AP2A1: variants seen among roughly 807,000 people sequenced by gnomAD.
The protein encoded by AP2A1 is AP-2 complex subunit alpha-1.
A neutral mutation model predicts 107.3 loss-of-function variants in AP2A1; 21 were observed. That is an observed-to-expected ratio of 0.20 (90% CI 0.14 to 0.28). The LOEUF (loss-of-function observed/expected upper bound fraction) is 0.28. Among genes scored for constraint, AP2A1 ranks in the 10% least tolerant of loss-of-function variants. The pLI is 1.00. For synonymous variants in AP2A1, 602 were observed against 564.8 expected (o/e 1.07, Z -0.93); for missense variants, 873 against 1,307.7 (o/e 0.67, Z 5.13).
At chr19:49,787,216 A>G (rs1178755983) in intron 4 of AP2A1, among the ~76,000 whole-genome samples, 4 of 148,908 alleles carry the variant, frequency 2.7e-5, no homozygotes, top group South Asian at 2.1e-4. Flanking sequence ...GGGTTTTGCT[A>G]TGTTGCCCAG....
rs2073402607 is a variant in AP2A1, at chr19:49,806,812, G to A, written c.*54G>A. On this transcript the variant is annotated 3_prime_UTR_variant, in exon 23 of 23. Coordinates refer to ENST00000354293, the MANE Select transcript of AP2A1 (RefSeq NM_130787.3). ...CCGGCACTGGGCAGCCCCTTGGACT[G>A]AGGCAGTTTTGGTGGATGGGGGACC... 6.2e-7 allele frequency: 1 copy of A among 1,610,190 alleles called. No homozygotes were observed. Among genetic ancestry groups the A allele is most frequent in the African/African-American group, 1.3e-5 (1 of 74,952 alleles).
intron 15 of AP2A1, chr19:49,802,402 C>T (rs1185795488): frequency 5.9e-6 from 6 of 1,010,194 alleles, no homozygotes; most frequent in Admixed American, 2.0e-5. Context: ...GCCTGCTCTT[C>T]CTTTTCTCCT....
At chr19:49,771,013 G>C (rs919578305) in intron 1 of AP2A1, among the ~76,000 whole-genome samples, 1 of 151,810 alleles carries the variant, frequency 6.6e-6, no homozygotes, top group African/African-American at 2.4e-5. Flanking sequence ...CACCACACCT[G>C]GCTAATTTTT....
intron 1 of AP2A1, among the ~76,000 whole-genome samples, chr19:49,779,460 T>C (rs4802621): frequency 0.13 from 17,195 of 128,954 alleles, 1,167 homozygotes; most frequent in East Asian, 0.22. Flanking sequence ...GAGCCGAGAT[T>C]GCACCACTGC....
chr19:49,772,360 C>A (rs981664877), intron 1 of AP2A1, among the ~76,000 whole-genome samples: 2 of 137,780 alleles, frequency 1.5e-5, no homozygotes, highest in Non-Finnish European at 3.0e-5. Context: ...CCCGGGTTCA[C>A]GGAGATGGGT....
intron 16 of AP2A1, 30 bp downstream of exon 16, chr19:49,803,035 A>ACGGGACAGGTGCGGAGCC: frequency 8.1e-6 from 13 of 1,613,634 alleles, no homozygotes; most frequent in Non-Finnish European, 1.1e-5. Flanking sequence ...GGGGAGGGGA[A>ACGGGACAGGTGCGGAGCC]CGGGACAGGT....
At chr19:49,800,672 T>G (rs1383065183) in intron 11 of AP2A1, 2 of 339,608 alleles carry the variant, frequency 5.9e-6, no homozygotes, top group Non-Finnish European at 1.1e-5. Flanking sequence ...GGTTTCACCA[T>G]GTTACCCAGG....
At chr19:49,771,837 C>T (rs141042916) in intron 1 of AP2A1, among the ~76,000 whole-genome samples, 2 of 152,196 alleles carry the variant, frequency 1.3e-5, no homozygotes, top group Non-Finnish European at 2.9e-5. Context: ...CTTTGCTTCA[C>T]AAGAGACCTT....
In AP2A1 at chr19:49,806,267, TGGGAGGCCTGA is replaced by T; in HGVS notation, c.2790+17_2790+27del. 6.3e-7 allele frequency: 1 copy of T among 1,590,444 alleles called. No homozygotes were observed. Among genetic ancestry groups the T allele is most frequent in the South Asian group, 1.1e-5 (1 of 88,262 alleles). ...GCCCAGGCCCAGGTGAGTGCTGCTG[TGGGAGGCCTGA>T]GGCCGGCAGGAAGGCCGCCTGTCAT... On this transcript the variant is annotated intron_variant, in intron 22 of 22. Coordinates refer to ENST00000354293, the MANE Select transcript of AP2A1 (RefSeq NM_130787.3).
At chr19:49,769,009 G>A (rs755148408) in intron 1 of AP2A1, among the ~76,000 whole-genome samples, 1 of 152,148 alleles carries the variant, frequency 6.6e-6, no homozygotes, top group Non-Finnish European at 1.5e-5. Context: ...CAGCACTTTG[G>A]GGGGCCGAGG....
chr19:49,776,544 G>A (rs1273113377), intron 1 of AP2A1, among the ~76,000 whole-genome samples: 1 of 152,118 alleles, frequency 6.6e-6, no homozygotes. Flanking sequence ...CTTAAGCCTG[G>A]CCCCAGAAAT....
At chr19:49,773,950 C>T (rs552860756) in intron 1 of AP2A1, among the ~76,000 whole-genome samples, 1 of 152,240 alleles carries the variant, frequency 6.6e-6, no homozygotes, top group Admixed American at 6.5e-5. Context: ...AGAGAGGGAA[C>T]AGGGTAGATG....
At position 49,782,851 on chromosome 19, in the gene AP2A1, C is replaced by A. The variant is rs2084694308; in HGVS notation, c.473+127C>A. 1.1e-5 allele frequency: 13 copies of A among 1,143,498 alleles called. No individual in the cohort carries two copies. The South Asian group carries it at 1.8e-4, about 16-fold the overall frequency. The allele number at this position is 1,143,498 out of a possible 1,614,324, so 70.8% of individuals were successfully genotyped here. ...AGCCGAGATGTGGGCTAACGCTGGGCTGGGGACCCAGTGGTTCCGGTGGCA... is the reference window on the plus strand; with the variant it reads ...AGCCGAGATGTGGGCTAACGCTGGGATGGGGACCCAGTGGTTCCGGTGGCA... On this transcript the variant is annotated intron_variant, in intron 4 of 22. Coordinates refer to ENST00000354293, the MANE Select transcript of AP2A1 (RefSeq NM_130787.3).
chr19:49,803,713 C>T (rs577028057), intron 18 of AP2A1: 2 of 390,172 alleles, frequency 5.1e-6, no homozygotes, highest in Admixed American at 3.7e-5. Flanking sequence ...AGGAGCCAGG[C>T]CTGCGGGTCC....
At chr19:49,794,647 G>C (rs1203248658) in intron 6 of AP2A1, among the ~76,000 whole-genome samples, 1 of 151,808 alleles carries the variant, frequency 6.6e-6, no homozygotes, top group Non-Finnish European at 1.5e-5. Flanking sequence ...TTTGCAATGA[G>C]GAAAAAAAGT....
intron 4 of AP2A1, among the ~76,000 whole-genome samples, chr19:49,789,300 T>G (rs991022729): frequency 6.6e-6 from 1 of 151,044 alleles, no homozygotes; most frequent in South Asian, 2.1e-4. Flanking sequence ...CTCATTTCTG[T>G]TTTTTTTTGA....
At chr19:49,771,776 C>T (rs1301107949) in intron 1 of AP2A1, among the ~76,000 whole-genome samples, 2 of 151,894 alleles carry the variant, frequency 1.3e-5, no homozygotes, top group Admixed American at 6.6e-5. Context: ...GGAAGAGGGC[C>T]ATGGTGTTGA....
chr19:49,806,614 C>G, intron 22 of AP2A1, 67 bp from the exon 23 acceptor site: 3 of 1,606,394 alleles, frequency 1.9e-6, no homozygotes, highest in Non-Finnish European at 2.5e-6. Flanking sequence ...CCTTCTATCT[C>G]CCTTGGGTCC....
At chr19:49,778,700 G>A (rs1040139748) in intron 1 of AP2A1, among the ~76,000 whole-genome samples, 4 of 152,268 alleles carry the variant, frequency 2.6e-5, no homozygotes, top group South Asian at 2.1e-4. Context: ...CATTAGAATC[G>A]TATGGAACCA....
Sources: gnomAD v4.1 joint callset for allele counts (sites outside exome capture counted in the v4.1 genomes callset) on GRCh38, gnomAD v4.1.1 for gene constraint, MANE v1.5 for transcripts, NCBI Gene and HGNC (gene_info 2026-07-23, HGNC 2026-07-21) for gene names.